Variants in PLEKHG5 observed in about 807,000 individuals in gnomAD.
The protein encoded by PLEKHG5 is pleckstrin homology and RhoGEF domain containing G5, also known as pleckstrin homology domain-containing family G member 5.
Under a neutral mutation model 103.8 loss-of-function variants are expected in PLEKHG5, and 52 were observed. The observed-to-expected ratio is 0.50, with a 90% CI of 0.40 to 0.63. PLEKHG5 has a LOEUF of 0.63. PLEKHG5 is among the 30% of genes least tolerant of loss of function. The probability of loss-of-function intolerance (pLI) is 0.00; values close to 1 mark genes in which losing one functional copy is unlikely to be tolerated. For synonymous variants in PLEKHG5, 592 were observed against 575.5 expected (o/e 1.03, Z -0.41); for missense variants, 1,205 against 1,347.6 (o/e 0.89, Z 1.66).
chr1:6,515,673 A>T, intron 1 of PLEKHG5, among the ~76,000 whole-genome samples: 1 of 151,248 alleles, frequency 6.6e-6, no homozygotes, highest in South Asian at 2.1e-4. Context: ...AAAAAATTAA[A>T]TTAAAAAAAA....
In PLEKHG5 at chr1:6,486,486, G is replaced by T. The variant is rs1645040604; in HGVS notation, c.-88+5151C>A. On this transcript the variant is annotated intron_variant, in intron 1 of 20. Transcript: ENST00000377728. This position sits in a 1 kb window ranked among gnomAD's most constrained non-coding sequence, Gnocchi z 5.3. ...AGAGGCCGAGAGCCAAAGGCCGGTG[G>T]CCTCTGGAAAGGGCCGTGGGCAGAA... Among the ~76,000 whole-genome samples, 1 of 152,254 alleles carries T rather than the reference G, an allele frequency of 6.6e-6. No individual in the cohort carries two copies. Among genetic ancestry groups the T allele is most frequent in the African/African-American group, 2.4e-5 (1 of 41,476 alleles).
chr1:6,517,791 C>T (rs1045637809), intron 1 of PLEKHG5, among the ~76,000 whole-genome samples: 8 of 152,166 alleles, frequency 5.3e-5, no homozygotes, highest in Non-Finnish European at 8.8e-5. Context: ...CCAAATGCCC[C>T]GAGGCCAGGC....
intron 1 of PLEKHG5, among the ~76,000 whole-genome samples, chr1:6,480,347 G>A (rs1160646877): frequency 5.9e-5 from 9 of 152,028 alleles, no homozygotes; most frequent in Admixed American, 6.5e-5. Context: ...TGGGCAACAC[G>A]GTGAAACCCC....
upstream of PLEKHG5, among the ~76,000 whole-genome samples, chr1:6,498,582 G>A (rs1474231324): frequency 6.6e-6 from 1 of 152,272 alleles, no homozygotes; most frequent in Non-Finnish European, 1.5e-5. Flanking sequence ...CAGGGGGCCT[G>A]GTGGGCAGGG....
intron 1 of PLEKHG5, among the ~76,000 whole-genome samples, chr1:6,510,815 A>G (rs2148636890): frequency 6.6e-6 from 1 of 152,264 alleles, no homozygotes; most frequent in South Asian, 2.1e-4. Context: ...GGCTGGGCAC[A>G]GTGGCTCATG....
chr1:6,470,337 G>A lies in PLEKHG5; in HGVS notation c.1699C>T (p.His567Tyr), dbSNP rs752693702. The change falls in exon 16 of 21, where the codon CAC becomes TAC. Residue 567 changes from histidine to tyrosine, a missense_variant. By Grantham distance (83) the His-to-Tyr change is moderately conservative. Transcript: ENST00000377728. ...GGGATGGGCGCTGTCAAGTCCAGGT[G>A]CAGAAATTCCTTCAGGAGCTGGGGA... ...EVDKLLKEFL[H>Y]LDLTAPIPGA... is the part of the protein sequence containing the mutation. 1.2e-6 allele frequency: 2 copies of A among 1,614,038 alleles called. No homozygotes were observed. Among genetic ancestry groups the A allele is most frequent in the South Asian group, 1.1e-5 (1 of 91,078 alleles).
rs892988582 is a variant in PLEKHG5 at position 6,474,393 on chromosome 1, C to T, written c.439+58G>A. On this transcript the variant is annotated intron_variant, in intron 6 of 20. Transcript: ENST00000377728. ...GGAACCTGAGCCTGGGAAGGGCGCC[C>T]ATCTCCAGGAGGCTCCGCCAGTCCC... The T allele has an allele frequency of 1.0e-5, 16 of 1,602,906 alleles. No individual in the cohort carries two copies. The African/African-American group carries it at 1.7e-4, about 17-fold the overall frequency.
At chr1:6,476,821 C>T (rs1644775940) in intron 2 of PLEKHG5, among the ~76,000 whole-genome samples, 1 of 152,154 alleles carries the variant, frequency 6.6e-6, no homozygotes, top group Admixed American at 6.5e-5. Flanking sequence ...GTGGCACGAT[C>T]AGGGCTCACT....
At chr1:6,499,885 G>A (rs1006695363), upstream of PLEKHG5, among the ~76,000 whole-genome samples, 1 of 152,036 alleles carries the variant, frequency 6.6e-6, no homozygotes, top group African/African-American at 2.4e-5. Context: ...CTGCAGCCTC[G>A]ACCTCCTGGG....
At chr1:6,471,241 C>T in intron 12 of PLEKHG5, 141 bp from the exon 13 acceptor site, 3 of 814,662 alleles carry the variant, frequency 3.7e-6, no homozygotes, top group African/African-American at 1.7e-5. Flanking sequence ...TCCCTGTTTC[C>T]TGATGAGGAA....
At chr1:6,504,500 C>A (rs915550620) in intron 1 of PLEKHG5, among the ~76,000 whole-genome samples, 2 of 152,144 alleles carry the variant, frequency 1.3e-5, no homozygotes, top group Non-Finnish European at 2.9e-5. Flanking sequence ...CAGGCAGGGA[C>A]GCCTGGCCTT....
rs759670081 is a variant in PLEKHG5 at position 6,470,333 on chromosome 1, A to G, written c.1703T>C (p.Leu568Pro). The G allele has an allele frequency of 1.2e-6, 2 of 1,614,032 alleles. No homozygotes were observed. The highest frequency in any genetic ancestry group is 1.7e-6 in the Non-Finnish European group (2 of 1,179,974). The change falls in exon 16 of 21, where the codon CTG (leucine) becomes CCG (proline). Residue 568 changes from leucine to proline, a missense_variant. Leu to Pro is a moderately conservative substitution (Grantham distance 98). Transcript: ENST00000377728. ...VDKLLKEFLHLDLTAPIPGAS... is the reference protein window; with the variant it reads ...VDKLLKEFLHPDLTAPIPGAS... ...GCCAGGGATGGGCGCTGTCAAGTCC[A>G]GGTGCAGAAATTCCTTCAGGAGCTG...
upstream of PLEKHG5, among the ~76,000 whole-genome samples, chr1:6,492,714 G>A (rs1645168812): frequency 6.6e-6 from 1 of 152,302 alleles, no homozygotes; most frequent in South Asian, 2.1e-4. Flanking sequence ...GTTCAGAGAA[G>A]TGTAGTGACT....
chr1:6,469,812 T>C, intron 16 of PLEKHG5, 136 bp from the exon 17 acceptor site: 1 of 757,044 alleles, frequency 1.3e-6, no homozygotes, highest in South Asian at 1.7e-5. Context: ...AAAATTAAAA[T>C]GAAGAGGAAG....
chr1:6,469,822 G>C, intron 16 of PLEKHG5, 146 bp from the exon 17 acceptor site: 2 of 718,516 alleles, frequency 2.8e-6, no homozygotes, highest in Non-Finnish European at 4.7e-6. Flanking sequence ...TGAAGAGGAA[G>C]ATGATTCTCT....
rs974260331 is a variant in PLEKHG5, at chr1:6,469,439, G to A, written c.1945C>T (p.Leu649Phe). ...RELRDPGSFL[L>F]IYLNEFHSAV... Reference sequence around the variant, plus strand: ...CTGTGAAACTCATTCAGGTAGATAAGGAGGAAGGACCCTGGTTAGGGAAGG... The same window carrying A: ...CTGTGAAACTCATTCAGGTAGATAAAGAGGAAGGACCCTGGTTAGGGAAGG... Residue 649 changes from leucine to phenylalanine, a missense_variant, in exon 18 of 21, where the codon CTT becomes TTT. By Grantham distance (22) the Leu-to-Phe change is conservative. Coordinates refer to ENST00000377728, the MANE Select transcript of PLEKHG5 (RefSeq NM_020631.6). 6.2e-7 allele frequency: 1 copy of A among 1,614,076 alleles called. No homozygotes were observed. The highest frequency in any genetic ancestry group is 8.5e-7 in the Non-Finnish European group (1 of 1,180,008).
At position 6,486,806 on chromosome 1, in the gene PLEKHG5, C is replaced by A. The variant is rs574690334; in HGVS notation, c.-88+4831G>T. On this transcript the variant is annotated intron_variant, in intron 1 of 20. Transcript: ENST00000377728. The surrounding 1 kb of genome is among the most constrained non-coding windows in gnomAD (Gnocchi z 5.3). ...TGGGGGATAAAGTGACATAAAGAGA[C>A]AAAAGTCTACAGGCAAGACTGAAAC... Among the ~76,000 whole-genome samples, 11 of 152,336 alleles carry A rather than the reference C, an allele frequency of 7.2e-5. No homozygotes were observed. The highest frequency in any genetic ancestry group is 1.3e-4 in the Non-Finnish European group (9 of 68,030).
chr1:6,484,242 A>G (rs1430593285), intron 1 of PLEKHG5, among the ~76,000 whole-genome samples: 3 of 152,124 alleles, frequency 2.0e-5, no homozygotes, highest in Non-Finnish European at 4.4e-5. Context: ...GATCCCTTGA[A>G]AGCCTCGAGA....
upstream of PLEKHG5, chr1:6,497,057 C>T (rs1378628618): frequency 6.7e-7 from 1 of 1,495,462 alleles, no homozygotes; most frequent in South Asian, 1.3e-5. The surrounding 1 kb of genome is among the most constrained non-coding windows in gnomAD (Gnocchi z 6.1). Context: ...TGGCCCCCTC[C>T]AAGCTGCCTC....
Sources: gnomAD v4.1 joint callset for allele counts (sites outside exome capture counted in the v4.1 genomes callset) on GRCh38, gnomAD v4.1.1 for gene constraint, Gnocchi (gnomAD v3.1) non-coding constraint, MANE v1.5 for transcripts, NCBI Gene and HGNC (gene_info 2026-07-23, HGNC 2026-07-21) for gene names.